The following TCF4 variants were observed in gnomAD, a reference collection of about 807,000 sequenced individuals.
The protein encoded by TCF4 is transcription factor 4, also known as SL3-3 enhancer factor 2.
Under a neutral mutation model 82.1 loss-of-function variants are expected in TCF4, and 3 were observed. The ratio of observed to expected loss-of-function variants is 0.04; its 90% CI spans 0.02 to 0.09. TCF4 has a LOEUF of 0.09. Ranked by LOEUF, TCF4 falls within the 10% of genes least tolerant of loss-of-function variation. TCF4 has a pLI of 1.00. For synonymous variants in TCF4, 276 were observed against 309.6 expected (o/e 0.89, Z 1.14); for missense variants, 518 against 852.7 (o/e 0.61, Z 4.89).
intron 8 of TCF4, chr18:55,302,566 C>CAA: frequency 6.5e-7 from 1 of 1,534,858 alleles, no homozygotes; most frequent in Non-Finnish European, 8.7e-7. Context: ...CAAGCAGGAC[C>CAA]ACAGCCCAGA....
intron 8 of TCF4, among the ~76,000 whole-genome samples, chr18:55,324,568 A>G (rs1329042418): frequency 6.6e-6 from 1 of 152,218 alleles, no homozygotes; most frequent in African/African-American, 2.4e-5. Flanking sequence ...CAATTTTTAC[A>G]GGACCCTGAA....
chr18:55,565,162 T>C (rs982243176), intron 3 of TCF4, among the ~76,000 whole-genome samples: 2 of 152,098 alleles, frequency 1.3e-5, no homozygotes, highest in African/African-American at 4.8e-5. Flanking sequence ...TTATAGGTAA[T>C]CTTAGCACAA....
chr18:55,601,910 T>C (rs1414163341), intron 2 of TCF4, among the ~76,000 whole-genome samples: 2 of 152,240 alleles, frequency 1.3e-5, no homozygotes, highest in South Asian at 2.1e-4. Flanking sequence ...GTGCAACTTA[T>C]AAGTCACCTG....
chr18:55,613,052 CCCT>C (rs1302838926), intron 2 of TCF4, among the ~76,000 whole-genome samples: 1 of 152,024 alleles, frequency 6.6e-6, no homozygotes, highest in Non-Finnish European at 1.5e-5. Flanking sequence ...TTGCTCATGC[CCCT>C]CCTACCTTAT....
chr18:55,240,269 A>C (rs1011748131), intron 15 of TCF4, among the ~76,000 whole-genome samples: 1 of 152,208 alleles, frequency 6.6e-6, no homozygotes. Context: ...TGGTAACTGC[A>C]ACTTACTGTT....
intron 15 of TCF4, among the ~76,000 whole-genome samples, chr18:55,249,343 G>A (rs550381802): frequency 6.6e-6 from 1 of 152,256 alleles, no homozygotes; most frequent in South Asian, 2.1e-4. Flanking sequence ...AACAAAAATT[G>A]TTACTGAAAA....
At chr18:55,233,010 TG>T (rs2048330908) in intron 16 of TCF4, among the ~76,000 whole-genome samples, 1 of 152,244 alleles carries the variant, frequency 6.6e-6, no homozygotes. Flanking sequence ...GCTATTATAT[TG>T]AGTTTCTTCC....
At chr18:55,577,071 A>ATG (rs1305350875) in intron 3 of TCF4, among the ~76,000 whole-genome samples, 15 of 146,430 alleles carry the variant, frequency 1.0e-4, no homozygotes, top group African/African-American at 3.7e-4. Flanking sequence ...GGTACTAAAT[A>ATG]TATATATATA....
At chr18:55,631,118 C>T (rs2097731146) in intron 2 of TCF4, among the ~76,000 whole-genome samples, 1 of 149,622 alleles carries the variant, frequency 6.7e-6, no homozygotes, top group Admixed American at 6.7e-5. Flanking sequence ...GGCATGATCT[C>T]GACTCACTGC....
chr18:55,463,554 C>G (rs1048439752), intron 4 of TCF4, among the ~76,000 whole-genome samples: 1 of 152,218 alleles, frequency 6.6e-6, no homozygotes, highest in Admixed American at 6.5e-5. Flanking sequence ...ATCAAAGTCC[C>G]TACTGGTGGA....
chr18:55,563,238 CAA>C (rs74182105), intron 3 of TCF4, among the ~76,000 whole-genome samples: 95 of 68,134 alleles, frequency 1.4e-3, no homozygotes, highest in African/African-American at 3.7e-3. Context: ...GACCCTGTCT[CAA>C]AAAAAAAAAA....
chr18:55,254,465 T>TA (rs762901065), intron 15 of TCF4, 32 bp downstream of exon 15: 1 of 1,585,210 alleles, frequency 6.3e-7, no homozygotes, highest in South Asian at 1.1e-5. Context: ...CTCTATATGA[T>TA]AACTATAGAG....
chr18:55,595,117 A>G (rs78146627), intron 2 of TCF4, among the ~76,000 whole-genome samples: 1 of 152,248 alleles, frequency 6.6e-6, no homozygotes, highest in African/African-American at 2.4e-5. Flanking sequence ...AAACAGTTTT[A>G]TGATTAGAAG....
intron 8 of TCF4, among the ~76,000 whole-genome samples, chr18:55,303,588 T>C (rs1326283880): frequency 2.6e-5 from 4 of 152,142 alleles, no homozygotes; most frequent in Admixed American, 6.5e-5. Context: ...GAAGGTATCA[T>C]GGATTCTGTA....
At chr18:55,401,907 C>T in intron 6 of TCF4, 2 of 844,778 alleles carry the variant, frequency 2.4e-6, no homozygotes, top group Non-Finnish European at 2.9e-6. Context: ...ACTTTCTTCT[C>T]CCCAAAACTC....
chr18:55,471,160 T>C (rs117810458), intron 3 of TCF4, among the ~76,000 whole-genome samples: 231 of 152,320 alleles, frequency 1.5e-3, no homozygotes, highest in Non-Finnish European at 2.9e-3. Context: ...ATAAGAGCTC[T>C]AAGTAGAGTA....
chr18:55,298,431 G>A (rs1437106610), intron 8 of TCF4, among the ~76,000 whole-genome samples: 3 of 152,254 alleles, frequency 2.0e-5, no homozygotes, highest in South Asian at 2.1e-4. Context: ...CACCATGTTC[G>A]AAGACAGGCT....
chr18:55,622,006 C>CTA (rs200115534), intron 2 of TCF4, among the ~76,000 whole-genome samples: 1 of 128,080 alleles, frequency 7.8e-6, no homozygotes, highest in Non-Finnish European at 1.6e-5. Context: ...TATATATACA[C>CTA]TATATATATT....
upstream of TCF4, among the ~76,000 whole-genome samples, chr18:55,591,725 C>G (rs973061911): frequency 6.6e-6 from 1 of 152,206 alleles, no homozygotes; most frequent in Non-Finnish European, 1.5e-5. Flanking sequence ...CCATGTTCAT[C>G]AGGGTGGTCT....
Sources: gnomAD v4.1 joint callset for allele counts (sites outside exome capture counted in the v4.1 genomes callset) on GRCh38, gnomAD v4.1.1 for gene constraint, MANE v1.5 for transcripts, NCBI Gene and HGNC (gene_info 2026-07-23, HGNC 2026-07-21) for gene names.